Variants in GNA14 observed in about 807,000 individuals in gnomAD.
GNA14 encodes the protein G protein subunit alpha 14, also known as guanine nucleotide-binding protein subunit alpha-14.
A neutral mutation model predicts 42.0 loss-of-function variants in GNA14; 50 were observed. That is an observed-to-expected ratio of 1.19 (90% CI 0.95 to 1.51). GNA14 has a LOEUF of 1.51. GNA14 is among the 40% of genes most tolerant of loss of function. The probability of loss-of-function intolerance (pLI) is 0.00; values close to 1 mark genes in which losing one functional copy is unlikely to be tolerated. For synonymous variants in GNA14, 173 were observed against 163.1 expected (o/e 1.06, Z -0.46); for missense variants, 473 against 446.2 (o/e 1.06, Z -0.54).
chr9:77,519,526 A>AT lies in GNA14; in HGVS notation c.309+9542dup, dbSNP rs528869745. On this transcript the variant is annotated intron_variant, in intron 2 of 6. Coordinates refer to ENST00000341700, the MANE Select transcript of GNA14 (RefSeq NM_004297.4). Reference sequence around the variant, plus strand: ...ACACATGTCCCCTTCCCTACCACCAATTTTTTTTAAAAAAAGCTTTTAAAC... The same window carrying AT: ...ACACATGTCCCCTTCCCTACCACCAATTTTTTTTTAAAAAAAGCTTTTAAAC... Among the ~76,000 whole-genome samples, 12 of 152,196 alleles carry AT rather than the reference A, an allele frequency of 7.9e-5. No homozygotes were observed. In the South Asian group the frequency reaches 1.9e-3, roughly 24 times the overall value.
intron 1 of GNA14, among the ~76,000 whole-genome samples, chr9:77,558,967 C>A (rs920815): frequency 1.5e-4 from 23 of 151,068 alleles, no homozygotes; most frequent in Admixed American, 7.2e-4. Context: ...AAAAAACCTC[C>A]TCCTGAGAAC....
chr9:77,452,572 AT>A (rs1835923895), intron 2 of GNA14, among the ~76,000 whole-genome samples: 3 of 5,692 alleles, frequency 5.3e-4, no homozygotes, highest in Non-Finnish European at 1.1e-3. Context: ...GTGTGTGTGT[AT>A]GTGCATGTGT....
chr9:77,587,651 A>T (rs1228475282), intron 1 of GNA14, among the ~76,000 whole-genome samples: 1 of 152,182 alleles, frequency 6.6e-6, no homozygotes, highest in East Asian at 1.9e-4. Context: ...TGGGGAGCGA[A>T]TGCCTAGTAT....
intron 1 of GNA14, among the ~76,000 whole-genome samples, chr9:77,581,406 T>C (rs1293694747): frequency 6.6e-6 from 1 of 152,198 alleles, no homozygotes. Context: ...CCTGGTTTCC[T>C]CATATGTAAA....
At chr9:77,490,396 CTTGGGCGGTGGATGGGACT>C (rs1461179679) in intron 2 of GNA14, among the ~76,000 whole-genome samples, 1 of 152,244 alleles carries the variant, frequency 6.6e-6, no homozygotes. Flanking sequence ...CTCCTCAGCC[CTTGGGCGGTGGATGGGACT>C]GGGCACCATG....
At chr9:77,622,893 CAAAA>C (rs1184648958) in intron 1 of GNA14, among the ~76,000 whole-genome samples, 1 of 77,664 alleles carries the variant, frequency 1.3e-5, no homozygotes. Context: ...GACTCTGTCT[CAAAA>C]AAAAAAAAAA....
intron 1 of GNA14, among the ~76,000 whole-genome samples, chr9:77,559,007 C>A (rs1822837187): frequency 1.3e-5 from 2 of 151,690 alleles, no homozygotes; most frequent in Non-Finnish European, 2.9e-5. Flanking sequence ...ATATTTAGGT[C>A]TTCTCCATCG....
intron 1 of GNA14, among the ~76,000 whole-genome samples, chr9:77,567,334 C>G (rs1227292000): frequency 6.6e-6 from 1 of 152,154 alleles, no homozygotes; most frequent in South Asian, 2.1e-4. Context: ...AGATACTCTA[C>G]AGCCATAACC....
chr9:77,462,480 G>A (rs553471141), intron 2 of GNA14, among the ~76,000 whole-genome samples: 192 of 152,284 alleles, frequency 1.3e-3, no homozygotes, highest in Non-Finnish European at 2.4e-3. Flanking sequence ...CAGCACTTTG[G>A]GAGGCTGAGG....
intron 1 of GNA14, among the ~76,000 whole-genome samples, chr9:77,545,913 C>T (rs766985499): frequency 1.3e-5 from 2 of 152,098 alleles, no homozygotes; most frequent in Non-Finnish European, 2.9e-5. Context: ...ACAACACCAG[C>T]TGTAAGAGTA....
At chr9:77,517,225 C>G (rs1030905522) in intron 2 of GNA14, among the ~76,000 whole-genome samples, 1 of 152,148 alleles carries the variant, frequency 6.6e-6, no homozygotes, top group South Asian at 2.1e-4. Flanking sequence ...GATGCTTGTT[C>G]TTATGGTGTG....
chr9:77,646,967 C>T (rs970285287), intron 1 of GNA14, among the ~76,000 whole-genome samples: 2 of 152,194 alleles, frequency 1.3e-5, no homozygotes, highest in Non-Finnish European at 2.9e-5. Flanking sequence ...CGTGGACACA[C>T]TGAGTCAAGC....
chr9:77,511,527 TTG>T (rs944121124), intron 2 of GNA14, among the ~76,000 whole-genome samples: 1 of 152,208 alleles, frequency 6.6e-6, no homozygotes, highest in African/African-American at 2.4e-5. Context: ...CTTTTTCCTC[TTG>T]TGTTTTTCGC....
At chr9:77,626,325 C>G (rs1824012499) in intron 1 of GNA14, among the ~76,000 whole-genome samples, 1 of 151,848 alleles carries the variant, frequency 6.6e-6, no homozygotes, top group Non-Finnish European at 1.5e-5. Context: ...AATATTAGAT[C>G]AATGAGACAG....
intron 1 of GNA14, among the ~76,000 whole-genome samples, chr9:77,560,407 G>A (rs1822862316): frequency 6.7e-6 from 1 of 149,628 alleles, no homozygotes; most frequent in Admixed American, 6.7e-5. Flanking sequence ...TCCCACCTCA[G>A]CCTCCCAGGT....
At chr9:77,621,544 C>T (rs547408727) in intron 1 of GNA14, among the ~76,000 whole-genome samples, 4 of 152,140 alleles carry the variant, frequency 2.6e-5, no homozygotes, top group African/African-American at 4.8e-5. Flanking sequence ...GGTTGGCTTA[C>T]GTAAAACAAA....
chr9:77,428,071 CTTTTTTT>C (rs1182913068), intron 5 of GNA14, among the ~76,000 whole-genome samples: 2 of 130,676 alleles, frequency 1.5e-5, no homozygotes, highest in African/African-American at 5.9e-5. Context: ...GGCATTTTTT[CTTTTTTT>C]TTTTCTTTTT....
chr9:77,475,525 TAG>T (rs768028325), intron 2 of GNA14, among the ~76,000 whole-genome samples: 26 of 151,898 alleles, frequency 1.7e-4, no homozygotes, highest in Non-Finnish European at 2.8e-4. Flanking sequence ...GGTAAAACAG[TAG>T]AGAGAGCTGG....
At chr9:77,437,707 T>C (rs1346996424) in intron 2 of GNA14, among the ~76,000 whole-genome samples, 3 of 152,170 alleles carry the variant, frequency 2.0e-5, no homozygotes, top group African/African-American at 7.2e-5. Flanking sequence ...CTCATTTTCA[T>C]CTGCTGTGGT....
Sources: gnomAD v4.1 joint callset for allele counts (sites outside exome capture counted in the v4.1 genomes callset) on GRCh38, gnomAD v4.1.1 for gene constraint, MANE v1.5 for transcripts, NCBI Gene and HGNC (gene_info 2026-07-23, HGNC 2026-07-21) for gene names.